The following RNF170 variants were observed in gnomAD, a reference collection of about 807,000 sequenced individuals.
RNF170 encodes the protein E3 ubiquitin-protein ligase RNF170.
Under a neutral mutation model 32.7 loss-of-function variants are expected in RNF170, and 12 were observed. The ratio of observed to expected loss-of-function variants is 0.37; its 90% CI spans 0.24 to 0.60. The LOEUF (loss-of-function observed/expected upper bound fraction) is 0.60, where lower values mean the gene tolerates loss of function less well. Ranked by LOEUF, RNF170 falls within the 20% of genes least tolerant of loss-of-function variation. The probability of loss-of-function intolerance (pLI) is 0.72; values close to 1 mark genes in which losing one functional copy is unlikely to be tolerated. For missense variants in RNF170, 212 were observed against 311.2 expected (o/e 0.68, Z 2.40); for synonymous variants, 91 against 103.6 (o/e 0.88, Z 0.74).
chr8:42,886,899 A>T (rs936779694), intron 2 of RNF170, among the ~76,000 whole-genome samples: 5 of 152,004 alleles, frequency 3.3e-5, no homozygotes, highest in African/African-American at 9.7e-5. Context: ...CATGAGTGTA[A>T]TCCCAGCACT....
chr8:42,859,075 T>C (rs983583163), intron 6 of RNF170, among the ~76,000 whole-genome samples: 6 of 152,116 alleles, frequency 3.9e-5, no homozygotes, highest in Non-Finnish European at 8.8e-5. Context: ...TCCCATCTAC[T>C]TGGGAGGCTG....
intron 5 of RNF170, among the ~76,000 whole-genome samples, chr8:42,863,980 A>AGAGAGAGT (rs149654513): frequency 1.1e-4 from 15 of 139,512 alleles, no homozygotes; most frequent in Non-Finnish European, 1.8e-4. Flanking sequence ...AGAGAGAGAG[A>AGAGAGAGT]GTGTGTGTGT....
chr8:42,890,954 T>C (rs1806252704), intron 1 of RNF170, among the ~76,000 whole-genome samples: 1 of 152,196 alleles, frequency 6.6e-6, no homozygotes, highest in South Asian at 2.1e-4. Flanking sequence ...CTCCAGAAGA[T>C]AAACAGGAAA....
chr8:42,854,810 AAGTG>A lies in RNF170; in HGVS notation c.*1345_*1348del. On this transcript the variant is annotated 3_prime_UTR_variant, in exon 7 of 7. Coordinates refer to ENST00000527424, the MANE Select transcript of RNF170 (RefSeq NM_030954.4). Reference sequence around the variant, plus strand: ...ATTCACTAATGAGCAACGCCAGCTGAAGTGAGTAAGATCTCCCAGTACCATGTGG... The same window carrying A: ...ATTCACTAATGAGCAACGCCAGCTGAAGTAAGATCTCCCAGTACCATGTGG... The A allele has an allele frequency of 7.8e-7, 1 of 1,287,302 alleles. No homozygotes were observed. Among genetic ancestry groups the A allele is most frequent in the Non-Finnish European group, 1.0e-6 (1 of 988,688 alleles). 79.7% of individuals were successfully genotyped at this position (1,287,302 alleles called of 1,614,324 possible).
At chr8:42,862,319 T>C (rs1262708904) in intron 5 of RNF170, among the ~76,000 whole-genome samples, 3 of 152,194 alleles carry the variant, frequency 2.0e-5, no homozygotes, top group Non-Finnish European at 4.4e-5. Flanking sequence ...ATAAAGATTA[T>C]GTTATTGCAG....
chr8:42,891,576 A>C (rs1401719991), intron 1 of RNF170, among the ~76,000 whole-genome samples: 1 of 152,178 alleles, frequency 6.6e-6, no homozygotes, highest in African/African-American at 2.4e-5. Context: ...TAAGATATTA[A>C]AATTCTGTTA....
chr8:42,860,810 C>T lies in RNF170; in HGVS notation c.507+935G>A, dbSNP rs574956394. Among the ~76,000 whole-genome samples the T allele has an allele frequency of 2.5e-4, 38 of 152,036 alleles. No homozygotes were observed. In the South Asian group the frequency reaches 7.7e-3, roughly 31 times the overall value. ...TCGGCTCACTGCAACCTCTGTCTGCCGGGTACAAGTGATTCTCCAGCCTCA... is the reference window on the plus strand; with the variant it reads ...TCGGCTCACTGCAACCTCTGTCTGCTGGGTACAAGTGATTCTCCAGCCTCA... On this transcript the variant is annotated intron_variant, in intron 6 of 6. Coordinates refer to ENST00000527424, the MANE Select transcript of RNF170 (RefSeq NM_030954.4).
At position 42,853,665 on chromosome 8, in the gene RNF170, C is replaced by T. The variant is rs994552842; in HGVS notation, c.*2494G>A. 25 of 1,286,074 alleles carry T rather than the reference C, an allele frequency of 1.9e-5. No individual in the cohort carries two copies. Among genetic ancestry groups the T allele is most frequent in the East Asian group, 1.1e-4 (2 of 18,016 alleles). The allele number at this position is 1,286,074 out of a possible 1,614,324, so 79.7% of individuals were successfully genotyped here. On this transcript the variant is annotated 3_prime_UTR_variant, in exon 7 of 7. Transcript: ENST00000527424. The stretch of plus-strand genomic sequence containing the variant: ...ATTTATATGATCTAACTCTGAATCA[C>T]GGAAGTATTACTATGATGTTCAAAA...
intron 5 of RNF170, 89 bp from the exon 6 acceptor site, chr8:42,861,944 G>A: frequency 1.6e-5 from 22 of 1,335,984 alleles, no homozygotes; most frequent in Non-Finnish European, 2.2e-5. Flanking sequence ...AATGATAAAG[G>A]CTTCTATATT....
chr8:42,854,070 T>A lies in RNF170; in HGVS notation c.*2089A>T. On this transcript the variant is annotated 3_prime_UTR_variant, in exon 7 of 7. Coordinates refer to ENST00000527424, the MANE Select transcript of RNF170 (RefSeq NM_030954.4). ...ACATGGCAGTGTGACAAACTCCTAC[T>A]CACTCGCTTTTCAAGTTGGTGACTG... The A allele has an allele frequency of 2.3e-6, 3 of 1,287,208 alleles. No homozygotes were observed. Among genetic ancestry groups the A allele is most frequent in the Non-Finnish European group, 3.0e-6 (3 of 988,682 alleles). 79.7% of individuals were successfully genotyped at this position (1,287,208 alleles called of 1,614,324 possible). A position where few individuals can be genotyped will look rare whatever the true frequency, so the allele number is the denominator to read the frequency against.
chr8:42,871,127 T>C (rs929198525), intron 3 of RNF170, among the ~76,000 whole-genome samples: 11 of 151,990 alleles, frequency 7.2e-5, no homozygotes, highest in African/African-American at 2.7e-4. Context: ...GGAGAATCAC[T>C]TGAACTCAAG....
At position 42,856,051 on chromosome 8, in the gene RNF170, T is replaced by C. The variant is rs772754330; in HGVS notation, c.*108A>G. On this transcript the variant is annotated 3_prime_UTR_variant, in exon 7 of 7. Transcript: ENST00000527424. ...GTTTGTCTTATAGTGGTTTTATATT[T>C]GTGAGATAATACTCCATTGCTTCAT... 6.3e-7 allele frequency: 1 copy of C among 1,591,266 alleles called. No homozygotes were observed. Among genetic ancestry groups the C allele is most frequent in the South Asian group, 1.1e-5 (1 of 89,530 alleles).
At chr8:42,880,043 T>C (rs1029509014) in intron 2 of RNF170, among the ~76,000 whole-genome samples, 4 of 152,142 alleles carry the variant, frequency 2.6e-5, no homozygotes, top group African/African-American at 9.7e-5. Flanking sequence ...AGAAGTTGAC[T>C]CCAGCCCTCA....
Position 42,855,014 on chromosome 8 carries a change from C to T in RNF170, c.*1145G>A, listed in dbSNP as rs1350233132. Reference sequence around the variant, plus strand: ...TCTTTTGTCAAATGTAAATACCGTTCCCAGTACCTTCCTATTGGCTTGATG... The same window carrying T: ...TCTTTTGTCAAATGTAAATACCGTTTCCAGTACCTTCCTATTGGCTTGATG... On this transcript the variant is annotated 3_prime_UTR_variant, in exon 7 of 7. Transcript: ENST00000527424. The T allele has an allele frequency of 3.9e-6, 5 of 1,287,068 alleles. No individual in the cohort carries two copies. The highest frequency in any genetic ancestry group is 4.6e-5 in the Admixed American group (2 of 43,530). The allele number at this position is 1,287,068 out of a possible 1,614,324, so 79.7% of individuals were successfully genotyped here. A position where few individuals can be genotyped will look rare whatever the true frequency, so the allele number is the denominator to read the frequency against.
In RNF170 at chr8:42,853,406, T is replaced by C. The variant is rs1434292845; in HGVS notation, c.*2753A>G. On this transcript the variant is annotated 3_prime_UTR_variant, in exon 7 of 7. Transcript: ENST00000527424. The stretch of plus-strand genomic sequence containing the variant: ...AGTCTTCTACAACAACTCTGTGAGG[T>C]AGGTATCTGCATAGCCACAAGGGAT... The C allele has an allele frequency of 1.6e-6, 2 of 1,286,738 alleles. No individual in the cohort carries two copies. The highest frequency in any genetic ancestry group is 5.5e-5 in the East Asian group (1 of 18,040). 79.7% of individuals were successfully genotyped at this position (1,286,738 alleles called of 1,614,324 possible). A position where few individuals can be genotyped will look rare whatever the true frequency, so the allele number is the denominator to read the frequency against.
At chr8:42,856,490 A>G (rs1803252465) in intron 6 of RNF170, 62 bp from the exon 7 acceptor site, 3 of 1,198,470 alleles carry the variant, frequency 2.5e-6, no homozygotes, top group Non-Finnish European at 2.4e-6. Context: ...TCAAAATAAT[A>G]TAATTTTCTT....
chr8:42,890,258 TTC>T (rs914666522), intron 1 of RNF170, among the ~76,000 whole-genome samples: 54 of 150,214 alleles, frequency 3.6e-4, no homozygotes, highest in East Asian at 2.1e-3. Flanking sequence ...TGTGATTATA[TTC>T]TTTTTTTTTT....
At chr8:42,886,920 G>C (rs1563273331) in intron 2 of RNF170, among the ~76,000 whole-genome samples, 3 of 152,154 alleles carry the variant, frequency 2.0e-5, no homozygotes, top group Non-Finnish European at 1.5e-5. Context: ...TTGGGAGGCT[G>C]AGTCGGGTGG....
chr8:42,854,048 T>G lies in RNF170; in HGVS notation c.*2111A>C, dbSNP rs1178262865. 1 of 1,287,240 alleles carries G rather than the reference T, an allele frequency of 7.8e-7. No individual in the cohort carries two copies. The highest frequency in any genetic ancestry group is 1.2e-5 in the South Asian group (1 of 80,938). The allele number at this position is 1,287,240 out of a possible 1,614,324, so 79.7% of individuals were successfully genotyped here. On this transcript the variant is annotated 3_prime_UTR_variant, in exon 7 of 7. Coordinates refer to ENST00000527424, the MANE Select transcript of RNF170 (RefSeq NM_030954.4). Reference sequence around the variant, plus strand: ...GGAAATGCATTTCCAGTCTGGTACATGGCAGTGTGACAAACTCCTACTCAC... The same window carrying G: ...GGAAATGCATTTCCAGTCTGGTACAGGGCAGTGTGACAAACTCCTACTCAC...
Sources: gnomAD v4.1 joint callset for allele counts (sites outside exome capture counted in the v4.1 genomes callset) on GRCh38, gnomAD v4.1.1 for gene constraint, MANE v1.5 for transcripts, NCBI Gene and HGNC (gene_info 2026-07-23, HGNC 2026-07-21) for gene names.